DGKB: variants seen among roughly 807,000 people sequenced by gnomAD.
The protein encoded by DGKB is diacylglycerol kinase beta.
A neutral mutation model predicts 114.3 loss-of-function variants in DGKB; 67 were observed. The observed-to-expected ratio is 0.59, with a 90% CI of 0.48 to 0.72. The LOEUF is 0.72. Ranked by LOEUF, DGKB falls within the 30% of genes least tolerant of loss-of-function variation. DGKB has a pLI of 0.00. For missense variants in DGKB, 907 were observed against 975.2 expected (o/e 0.93, Z 0.93); for synonymous variants, 398 against 323.1 (o/e 1.23, Z -2.49).
At chr7:14,705,210 G>C (rs539534745) in intron 6 of DGKB, among the ~76,000 whole-genome samples, 17 of 152,232 alleles carry the variant, frequency 1.1e-4, no homozygotes, top group African/African-American at 3.9e-4. Flanking sequence ...ACTGGAAAAA[G>C]GGTGTCAGCA....
chr7:14,697,777 AG>A (rs1321121329), intron 8 of DGKB, among the ~76,000 whole-genome samples: 1 of 112,388 alleles, frequency 8.9e-6, no homozygotes, highest in African/African-American at 3.9e-5. Flanking sequence ...AGAAACAAAG[AG>A]AAAGAAAGAA....
intron 20 of DGKB, among the ~76,000 whole-genome samples, chr7:14,507,840 G>A (rs931587780): frequency 6.6e-6 from 1 of 152,182 alleles, no homozygotes; most frequent in Non-Finnish European, 1.5e-5. Context: ...TCAACTGTGG[G>A]TACTGATGGC....
chr7:14,600,900 T>C (rs901836060), intron 17 of DGKB, among the ~76,000 whole-genome samples: 3 of 152,124 alleles, frequency 2.0e-5, no homozygotes, highest in Admixed American at 2.0e-4. Flanking sequence ...TGCCAACAGC[T>C]CTCTCAGGCT....
At chr7:14,677,722 G>T (rs1407179973) in intron 12 of DGKB, among the ~76,000 whole-genome samples, 1 of 151,926 alleles carries the variant, frequency 6.6e-6, no homozygotes, top group Non-Finnish European at 1.5e-5. Flanking sequence ...ATAAGCAGTG[G>T]GATATTAAGG....
At chr7:14,662,301 C>G (rs1311228264) in intron 13 of DGKB, among the ~76,000 whole-genome samples, 1 of 151,734 alleles carries the variant, frequency 6.6e-6, no homozygotes, top group East Asian at 1.9e-4. Flanking sequence ...AAATAATCAT[C>G]TAAAAATGAT....
At chr7:14,312,782 T>C (rs894274974) in intron 23 of DGKB, among the ~76,000 whole-genome samples, 10 of 152,198 alleles carry the variant, frequency 6.6e-5, no homozygotes, top group African/African-American at 2.4e-4. Flanking sequence ...TTTTTCAGTT[T>C]GATGGAAAAC....
In DGKB at chr7:14,829,695, T is replaced by C. The variant is rs113741322; in HGVS notation, c.70+11499A>G. The stretch of plus-strand genomic sequence containing the variant: ...GAACTCCATGCTTGTTTGATCATAC[T>C]GTAGATAAGGTAACAAGAGGAAAAT... On this transcript the variant is annotated intron_variant, in intron 2 of 25. Transcript: ENST00000402815. Among the ~76,000 whole-genome samples, 288 of 152,244 alleles carry C rather than the reference T, an allele frequency of 1.9e-3. 2 individuals carry two copies. The highest frequency in any genetic ancestry group is 6.6e-3 in the African/African-American group (274 of 41,558).
In DGKB at chr7:14,169,110, A is replaced by T. The variant is rs373690547; in HGVS notation, c.2304+7729T>A. ...TGCAGTGGCTCACGCCTGTAATCCC[A>T]GCACTTTGGGAGGCCGAGGCTTGTG... is the stretch of plus-strand genomic sequence containing the variant. On this transcript the variant is annotated intron_variant, in intron 25 of 25. Coordinates refer to ENST00000402815, the MANE Select transcript of DGKB (RefSeq NM_001350709.2). Among the ~76,000 whole-genome samples, 575 of 152,130 alleles carry T rather than the reference A, an allele frequency of 3.8e-3. 3 individuals are homozygous for T. Among genetic ancestry groups the T allele is most frequent in the African/African-American group, 0.013 (547 of 41,510 alleles).
At chr7:14,181,001 C>T (rs1186104919) in intron 23 of DGKB, among the ~76,000 whole-genome samples, 1 of 152,086 alleles carries the variant, frequency 6.6e-6, no homozygotes, top group East Asian at 1.9e-4. Flanking sequence ...CAAATCTGGC[C>T]CCTAGCCCTT....
intron 20 of DGKB, among the ~76,000 whole-genome samples, chr7:14,548,492 G>C (rs1173386831): frequency 5.9e-5 from 9 of 152,106 alleles, no homozygotes; most frequent in African/African-American, 1.2e-4. Context: ...TCCTGAATGA[G>C]GAAAAGGTGG....
chr7:14,806,870 G>A (rs1842850399), intron 2 of DGKB, among the ~76,000 whole-genome samples: 5 of 151,960 alleles, frequency 3.3e-5, no homozygotes, highest in Admixed American at 2.0e-4. Flanking sequence ...CAGAAAATTA[G>A]AGCCAGGGCA....
intron 23 of DGKB, among the ~76,000 whole-genome samples, chr7:14,326,008 TA>T (rs1036123662): frequency 6.6e-6 from 1 of 152,098 alleles, no homozygotes; most frequent in African/African-American, 2.4e-5. Flanking sequence ...CAGAAATGTT[TA>T]TGTCTACTTA....
intron 1 of DGKB, among the ~76,000 whole-genome samples, chr7:14,942,605 T>C (rs147165003): frequency 2.0e-3 from 297 of 152,116 alleles, no homozygotes; most frequent in African/African-American, 6.8e-3. Flanking sequence ...ATCTCTTCCA[T>C]CTACCACTCT....
intron 8 of DGKB, among the ~76,000 whole-genome samples, chr7:14,695,459 A>G (rs1283497014): frequency 6.8e-6 from 1 of 147,418 alleles, no homozygotes; most frequent in Non-Finnish European, 1.5e-5. Context: ...TACTATTGTA[A>G]TCAACCTCAA....
chr7:14,539,978 A>G (rs748450663), intron 20 of DGKB, among the ~76,000 whole-genome samples: 1 of 152,032 alleles, frequency 6.6e-6, no homozygotes, highest in East Asian at 1.9e-4. Context: ...TATGCAGAAA[A>G]ACATCATTGA....
At chr7:14,709,319 G>C (rs1189603838) in intron 6 of DGKB, among the ~76,000 whole-genome samples, 2 of 145,294 alleles carry the variant, frequency 1.4e-5, no homozygotes, top group Non-Finnish European at 3.0e-5. Flanking sequence ...GGAAACAACA[G>C]GTGCTGGAGA....
At chr7:14,678,144 T>A (rs973738577) in intron 12 of DGKB, among the ~76,000 whole-genome samples, 2 of 152,082 alleles carry the variant, frequency 1.3e-5, no homozygotes, top group Non-Finnish European at 2.9e-5. Flanking sequence ...TATCAGAGAT[T>A]AAAGTGATCT....
At chr7:14,914,594 T>G (rs942181589) in intron 1 of DGKB, among the ~76,000 whole-genome samples, 1 of 151,590 alleles carries the variant, frequency 6.6e-6, no homozygotes, top group African/African-American at 2.4e-5. Context: ...TGTCTGGGTT[T>G]CAACAAAAAA....
chr7:14,760,348 T>G (rs577726847), intron 2 of DGKB, among the ~76,000 whole-genome samples: 25 of 152,268 alleles, frequency 1.6e-4, no homozygotes, highest in African/African-American at 6.0e-4. Flanking sequence ...ACAATAGCAT[T>G]GCAATAAATA....
Sources: gnomAD v4.1 joint callset for allele counts (sites outside exome capture counted in the v4.1 genomes callset) on GRCh38, gnomAD v4.1.1 for gene constraint, MANE v1.5 for transcripts, NCBI Gene and HGNC (gene_info 2026-07-23, HGNC 2026-07-21) for gene names.